CYP19A1: variants seen among roughly 807,000 people sequenced by gnomAD.
CYP19A1 encodes the protein cytochrome P450 family 19 subfamily A member 1.
CYP19A1 carries 32 observed loss-of-function variants against 44.4 expected under a neutral mutation model. The ratio of observed to expected loss-of-function variants is 0.72; its 90% CI spans 0.54 to 0.97. The LOEUF is 0.97. Ranked by LOEUF, CYP19A1 falls within the 50% of genes least tolerant of loss-of-function variation. The pLI is 0.00. For synonymous variants in CYP19A1, 212 were observed against 215.6 expected, an observed-to-expected ratio of 0.98 and a Z score of 0.14; for missense variants, 598 against 637.8, an observed-to-expected ratio of 0.94 and a Z score of 0.67.
chr15:51,257,160 C>T (rs1396362484), intron 1 of CYP19A1, among the ~76,000 whole-genome samples: 1 of 152,246 alleles, frequency 6.6e-6, no homozygotes, highest in African/African-American at 2.4e-5. Flanking sequence ...AGCACAGCTA[C>T]CTTTTATTGA....
At chr15:51,325,380 C>T (rs958039920) in intron 1 of CYP19A1, among the ~76,000 whole-genome samples, 3 of 152,114 alleles carry the variant, frequency 2.0e-5, no homozygotes, top group African/African-American at 4.8e-5. Context: ...CATAGATATT[C>T]GCCTCCCCTG....
chr15:51,227,705 ATTT>A, intron 4 of CYP19A1, 71 bp downstream of exon 4: 2 of 480,338 alleles, frequency 4.2e-6, no homozygotes, highest in Non-Finnish European at 7.5e-6. Context: ...TAAATAAAAT[ATTT>A]TAAAAATATG....
chr15:51,333,253 C>A (rs778757472), intron 1 of CYP19A1, among the ~76,000 whole-genome samples: 6 of 152,174 alleles, frequency 3.9e-5, no homozygotes, highest in Non-Finnish European at 8.8e-5. Flanking sequence ...GGGCCAGCAG[C>A]TGAGGTGCCT....
At chr15:51,330,771 T>C (rs1891029817) in intron 1 of CYP19A1, among the ~76,000 whole-genome samples, 1 of 152,132 alleles carries the variant, frequency 6.6e-6, no homozygotes, top group South Asian at 2.1e-4. Flanking sequence ...AGTAGTGTCA[T>C]GGAAGCTCAG....
chr15:51,268,856 T>A (rs1430466861), intron 1 of CYP19A1, among the ~76,000 whole-genome samples: 2 of 152,192 alleles, frequency 1.3e-5, no homozygotes, highest in African/African-American at 4.8e-5. Context: ...TTCATATATC[T>A]TTTATGAAGC....
Position 51,310,988 on chromosome 15 carries a change from G to A in CYP19A1, c.-39+27507C>T, listed in dbSNP as rs559170474. ...GACAGAGCTTGCTGTTGAACTTAACGGGGTTGATTACCTGCTAAAACAAAA... is the reference window on the plus strand; with the variant it reads ...GACAGAGCTTGCTGTTGAACTTAACAGGGTTGATTACCTGCTAAAACAAAA... On this transcript the variant is annotated intron_variant, in intron 1 of 9. Coordinates refer to ENST00000396402, the MANE Select transcript of CYP19A1 (RefSeq NM_000103.4). Among the ~76,000 whole-genome samples the A allele has an allele frequency of 3.3e-5, 5 of 152,276 alleles. No homozygotes were observed. In the South Asian group the frequency reaches 8.3e-4, roughly 25 times the overall value.
At chr15:51,239,331 T>A (rs1239339083) in intron 2 of CYP19A1, among the ~76,000 whole-genome samples, 1 of 152,182 alleles carries the variant, frequency 6.6e-6, no homozygotes, top group African/African-American at 2.4e-5. Context: ...TAGAGAAACC[T>A]GTGTGCACAT....
At chr15:51,281,682 A>C (rs1022198928) in intron 1 of CYP19A1, among the ~76,000 whole-genome samples, 8 of 152,164 alleles carry the variant, frequency 5.3e-5, no homozygotes, top group African/African-American at 1.9e-4. Context: ...GTAATGGCCA[A>C]GTTTGAATCT....
intron 3 of CYP19A1, among the ~76,000 whole-genome samples, chr15:51,232,217 G>T (rs1335390959): frequency 6.6e-6 from 1 of 151,942 alleles, no homozygotes; most frequent in East Asian, 1.9e-4. Flanking sequence ...TCAGACTTTT[G>T]CCCCCACTAG....
intron 1 of CYP19A1, among the ~76,000 whole-genome samples, chr15:51,304,227 G>T (rs766910402): frequency 6.6e-6 from 1 of 152,146 alleles, no homozygotes; most frequent in Non-Finnish European, 1.5e-5. Flanking sequence ...CAAATGTTGA[G>T]TTGAAGTTCT....
chr15:51,229,389 C>CAA lies in CYP19A1; in HGVS notation c.297-1458_297-1457dup, dbSNP rs202007253. ...TAGGTGACAGAGCAAGATCCTATCT[C>CAA]AAAAAAAAAAAAAAAAGCAGAGTTA... On this transcript the variant is annotated intron_variant, in intron 3 of 9. Transcript: ENST00000396402. 2.8e-4 allele frequency among the ~76,000 whole-genome samples: 27 copies of CAA among 96,524 alleles called. No homozygotes were observed. The South Asian group carries it at 6.8e-3, about 24-fold the overall frequency. 63.3% of individuals were successfully genotyped at this position (96,524 alleles called of 152,430 possible). A position where few individuals can be genotyped will look rare whatever the true frequency, so the allele number is the denominator to read the frequency against.
chr15:51,281,184 C>T (rs1256971813), intron 1 of CYP19A1, among the ~76,000 whole-genome samples: 1 of 152,154 alleles, frequency 6.6e-6, no homozygotes, highest in Non-Finnish European at 1.5e-5. Flanking sequence ...CTACACAGCC[C>T]CTTCTACTTT....
At chr15:51,292,733 A>G (rs1179289235) in intron 1 of CYP19A1, among the ~76,000 whole-genome samples, 1 of 152,050 alleles carries the variant, frequency 6.6e-6, no homozygotes, top group African/African-American at 2.4e-5. Context: ...TCAACTGCAC[A>G]AAGGAGCACA....
chr15:51,220,220 C>T (rs2031954542), intron 5 of CYP19A1, among the ~76,000 whole-genome samples: 1 of 152,192 alleles, frequency 6.6e-6, no homozygotes, highest in Admixed American at 6.6e-5. Context: ...CTGCAGAGGC[C>T]TTTTCTAACC....
chr15:51,321,545 G>T (rs572368100), intron 1 of CYP19A1: 1 of 152,240 alleles, frequency 6.6e-6, no homozygotes, highest in South Asian at 2.1e-4. Flanking sequence ...TCTAGGGGTA[G>T]ATTATCTCTG....
chr15:51,260,471 C>A (rs1311339198), intron 1 of CYP19A1, among the ~76,000 whole-genome samples: 1 of 152,222 alleles, frequency 6.6e-6, no homozygotes, highest in Non-Finnish European at 1.5e-5. Flanking sequence ...TTGGAACCAG[C>A]TGAGACGGAC....
chr15:51,282,038 G>C (rs904696284), intron 1 of CYP19A1, among the ~76,000 whole-genome samples: 3 of 152,166 alleles, frequency 2.0e-5, no homozygotes, highest in Non-Finnish European at 4.4e-5. Context: ...CCCCTTGTTG[G>C]TTCCCTCTCT....
intron 1 of CYP19A1, among the ~76,000 whole-genome samples, chr15:51,306,128 A>G (rs917846205): frequency 1.3e-5 from 2 of 152,200 alleles, no homozygotes; most frequent in African/African-American, 4.8e-5. Flanking sequence ...AGTCTCCTTT[A>G]TGAGAGGAGT....
At chr15:51,276,286 C>T (rs1250916753) in intron 1 of CYP19A1, among the ~76,000 whole-genome samples, 1 of 152,112 alleles carries the variant, frequency 6.6e-6, no homozygotes, top group Non-Finnish European at 1.5e-5. Context: ...TTATGCCAGC[C>T]AAAATGACAA....
Sources: allele counts gnomAD v4.1 joint callset (sites outside exome capture counted in the v4.1 genomes callset), GRCh38; gene constraint gnomAD v4.1.1; transcripts MANE v1.5; gene names NCBI Gene and HGNC (gene_info 2026-07-23, HGNC 2026-07-21).